Variants in SDK1 observed in about 807,000 individuals in gnomAD.
The protein encoded by SDK1 is protein sidekick-1.
Under a neutral mutation model 245.5 loss-of-function variants are expected in SDK1, and 157 were observed. That is an observed-to-expected ratio of 0.64 (90% confidence interval 0.56 to 0.73). SDK1 has a LOEUF of 0.73. Ranked by LOEUF, SDK1 falls within the 30% of genes least tolerant of loss-of-function variation. SDK1 has a pLI of 0.00. For synonymous variants in SDK1, 1,647 were observed against 1,278.5 expected (o/e 1.29, Z -6.15); for missense variants, 3,583 against 3,002.3 (o/e 1.19, Z -4.52).
At chr7:3,455,214 A>G (rs1350046996) in intron 1 of SDK1, among the ~76,000 whole-genome samples, 1 of 151,848 alleles carries the variant, frequency 6.6e-6, no homozygotes. Flanking sequence ...TGGGTTGCAG[A>G]TATTTTCTCT....
intron 1 of SDK1, among the ~76,000 whole-genome samples, chr7:3,587,045 C>G (rs985352558): frequency 6.6e-6 from 1 of 152,206 alleles, no homozygotes; most frequent in African/African-American, 2.4e-5. Context: ...GTGCAGACAT[C>G]TGGGCTTTGG....
chr7:4,137,660 C>T (rs1040792893), intron 28 of SDK1, among the ~76,000 whole-genome samples: 1 of 152,202 alleles, frequency 6.6e-6, no homozygotes, highest in Non-Finnish European at 1.5e-5. Context: ...TATCATAATT[C>T]ACCCATACCC....
At chr7:3,985,029 C>G (rs1444502299) in intron 13 of SDK1, among the ~76,000 whole-genome samples, 1 of 152,202 alleles carries the variant, frequency 6.6e-6, no homozygotes, top group Non-Finnish European at 1.5e-5. Context: ...AGTCCCCAGC[C>G]CCCTCCACTC....
chr7:3,341,393 A>G (rs1389792063), intron 1 of SDK1, among the ~76,000 whole-genome samples: 3 of 152,200 alleles, frequency 2.0e-5, no homozygotes, highest in Non-Finnish European at 4.4e-5. Context: ...TCCAGCTAAG[A>G]CCATACTTCA....
chr7:3,573,898 C>G (rs1283636613), intron 1 of SDK1, among the ~76,000 whole-genome samples: 1 of 151,180 alleles, frequency 6.6e-6, no homozygotes, highest in Non-Finnish European at 1.5e-5. Context: ...TAATTAAGCA[C>G]TATGTTTTGT....
At chr7:4,212,998 C>T (rs952970059) in intron 38 of SDK1, among the ~76,000 whole-genome samples, 16 of 152,270 alleles carry the variant, frequency 1.1e-4, no homozygotes, top group Non-Finnish European at 1.8e-4. Context: ...TGAGAAAGTG[C>T]TTCATGGGCT....
At chr7:4,139,395 GTA>G (rs1218227298) in intron 28 of SDK1, among the ~76,000 whole-genome samples, 3 of 150,472 alleles carry the variant, frequency 2.0e-5, no homozygotes, top group Non-Finnish European at 1.5e-5. Context: ...ACGTGTGTGT[GTA>G]TATGTGTGTG....
At chr7:3,531,574 C>A (rs1043440605) in intron 1 of SDK1, among the ~76,000 whole-genome samples, 1 of 152,130 alleles carries the variant, frequency 6.6e-6, no homozygotes, top group Non-Finnish European at 1.5e-5. Context: ...GTGCCACTAC[C>A]TAAGTATGTC....
At chr7:3,574,712 TG>T (rs1183552342) in intron 1 of SDK1, among the ~76,000 whole-genome samples, 1 of 152,074 alleles carries the variant, frequency 6.6e-6, no homozygotes, top group African/African-American at 2.4e-5. Context: ...CTGTACTGCC[TG>T]GCTTCTTGAA....
chr7:4,032,050 T>C (rs1037194591), intron 17 of SDK1, among the ~76,000 whole-genome samples: 2 of 143,494 alleles, frequency 1.4e-5, no homozygotes, highest in South Asian at 4.4e-4. Flanking sequence ...AAAAAGTACA[T>C]AGATAGATAG....
At chr7:4,163,683 C>T (rs934022174) in intron 32 of SDK1, among the ~76,000 whole-genome samples, 1 of 152,250 alleles carries the variant, frequency 6.6e-6, no homozygotes, top group South Asian at 2.1e-4. Context: ...GCTGAGTGAG[C>T]AGCGCCAGCC....
chr7:3,634,167 G>C lies in SDK1; in HGVS notation c.459-4837G>C, dbSNP rs539165986. On this transcript the variant is annotated intron_variant, in intron 2 of 44. Transcript: ENST00000404826. ...ATGTGGTCTTTTCAGCCTTTAATTT[G>C]AGATAAGCCCCATCTCCACAAAAGC... Among the ~76,000 whole-genome samples the C allele has an allele frequency of 1.1e-4, 16 of 152,270 alleles. 1 individual carries two copies. Among genetic ancestry groups the C allele is most frequent in the African/African-American group, 3.8e-4 (16 of 41,560 alleles).
chr7:4,221,279 C>A lies in SDK1; in HGVS notation c.5742C>A (p.Ser1914=). 6.2e-7 allele frequency: 1 copy of A among 1,613,852 alleles called. No individual in the cohort carries two copies. Among genetic ancestry groups the A allele is most frequent in the Non-Finnish European group, 8.5e-7 (1 of 1,179,998 alleles). ...CTAGAGATGTCCTGGTCACCAAGTC[C>A]GCCTCTGAACTGACGCTGCAGTGGA... ...GSPRDVLVTK[S]ASELTLQWTE... Residue 1914 remains serine (S), a synonymous_variant, in exon 40 of 45, where the codon TCC becomes TCA. Transcript: ENST00000404826.
chr7:3,862,045 C>T (rs1009365955), intron 5 of SDK1, among the ~76,000 whole-genome samples: 5 of 152,186 alleles, frequency 3.3e-5, no homozygotes, highest in South Asian at 2.1e-4. Flanking sequence ...TCCCAGAGCA[C>T]GGTTTGAAAA....
Position 3,883,896 on chromosome 7 carries a change from C to T in SDK1, c.847+62313C>T, listed in dbSNP as rs955776906. 2.6e-5 allele frequency among the ~76,000 whole-genome samples: 4 copies of T among 152,220 alleles called. No individual in the cohort carries two copies. In the East Asian group the frequency reaches 5.8e-4, roughly 22 times the overall value. The stretch of plus-strand genomic sequence containing the variant: ...CAAACGTCCACATGGCCTCAATATT[C>T]CTACTTTTAAAACATCAATACGATG... On this transcript the variant is annotated intron_variant, in intron 5 of 44. Coordinates refer to ENST00000404826, the MANE Select transcript of SDK1 (RefSeq NM_152744.4).
intron 1 of SDK1, among the ~76,000 whole-genome samples, chr7:3,463,167 G>A (rs781721724): frequency 1.3e-5 from 2 of 152,150 alleles, no homozygotes; most frequent in Non-Finnish European, 2.9e-5. Flanking sequence ...AGATGGGGTC[G>A]AGATTTGTAG....
intron 1 of SDK1, among the ~76,000 whole-genome samples, chr7:3,537,739 G>T (rs896493032): frequency 6.6e-6 from 1 of 152,206 alleles, no homozygotes; most frequent in African/African-American, 2.4e-5. Flanking sequence ...TGATGTGTCG[G>T]CATTTTGAGG....
chr7:3,693,140 TTTTG>T (rs1784480018), intron 4 of SDK1, among the ~76,000 whole-genome samples: 1 of 152,114 alleles, frequency 6.6e-6, no homozygotes, highest in African/African-American at 2.4e-5. Flanking sequence ...TATTAATAAT[TTTTG>T]TTTTTTTACA....
chr7:4,146,681 A>G lies in SDK1; in HGVS notation c.4423+765A>G, dbSNP rs531913886. On this transcript the variant is annotated intron_variant, in intron 29 of 44. Transcript: ENST00000404826. ...GATGTTAAACCCACGTCCTCCGTAG[A>G]GCAGGTGCTCAGTAAGTAAGTTTTC... Among the ~76,000 whole-genome samples, 3 of 152,366 alleles carry G rather than the reference A, an allele frequency of 2.0e-5. No individual in the cohort carries two copies. The South Asian group carries it at 6.2e-4, about 32-fold the overall frequency.
Sources: gnomAD v4.1 joint callset for allele counts (sites outside exome capture counted in the v4.1 genomes callset) on GRCh38, gnomAD v4.1.1 for gene constraint, MANE v1.5 for transcripts, NCBI Gene and HGNC (gene_info 2026-07-23, HGNC 2026-07-21) for gene names.